AGAP1: variants seen among roughly 807,000 people sequenced by gnomAD.
The protein encoded by AGAP1 is arf-GAP with GTPase, ANK repeat and PH domain-containing protein 1.
Under a neutral mutation model 105.3 loss-of-function variants are expected in AGAP1, and 29 were observed. The ratio of observed to expected loss-of-function variants is 0.28; its 90% CI spans 0.21 to 0.38. AGAP1 has a LOEUF of 0.38. Among genes scored for constraint, AGAP1 ranks in the 10% least tolerant of loss-of-function variants. The pLI is 1.00. For synonymous variants in AGAP1, 509 were observed against 485.9 expected (o/e 1.05, Z -0.63); for missense variants, 998 against 1,165.1 (o/e 0.86, Z 2.09).
chr2:236,121,390 T>C lies in AGAP1; in HGVS notation c.2370+943T>C, dbSNP rs1477721273. Among the ~76,000 whole-genome samples the C allele has an allele frequency of 6.6e-6, 1 of 152,154 alleles. No individual in the cohort carries two copies. The highest frequency in any genetic ancestry group is 1.5e-5 in the Non-Finnish European group (1 of 68,020). On this transcript the variant is annotated intron_variant, in intron 17 of 17. Coordinates refer to ENST00000304032, the MANE Select transcript of AGAP1 (RefSeq NM_001037131.3). This position sits in a 1 kb window ranked among gnomAD's most constrained non-coding sequence, Gnocchi z 4.9. Reference sequence around the variant, plus strand: ...ATCTCAGCTCACTGCAACCTCCGCCTCCCAGGTTCAAGCAATTCTCCTGCC... The same window carrying C: ...ATCTCAGCTCACTGCAACCTCCGCCCCCCAGGTTCAAGCAATTCTCCTGCC...
chr2:236,023,844 G>T (rs769625182), intron 13 of AGAP1, among the ~76,000 whole-genome samples: 1 of 152,038 alleles, frequency 6.6e-6, no homozygotes, highest in Non-Finnish European at 1.5e-5. Context: ...CAGGAGCCTG[G>T]ATTTCAGGCT....
rs954426435 is a variant in AGAP1 at position 235,599,690 on chromosome 2, C to A, written c.163+104841C>A. The stretch of plus-strand genomic sequence containing the variant: ...AGAGGAATCCTGCAGTCCACTTGCC[C>A]AGCGTCACTTCCTCCAGTGCCCTTT... On this transcript the variant is annotated intron_variant, in intron 1 of 17. Transcript: ENST00000304032. The surrounding 1 kb of genome is among the most constrained non-coding windows in gnomAD (Gnocchi z 5.3). Among the ~76,000 whole-genome samples, 7 of 152,130 alleles carry A rather than the reference C, an allele frequency of 4.6e-5. No homozygotes were observed. Among genetic ancestry groups the A allele is most frequent in the African/African-American group, 9.7e-5 (4 of 41,432 alleles).
At position 235,891,276 on chromosome 2, in the gene AGAP1, C is replaced by T. The variant is rs770151096; in HGVS notation, c.1155+7827C>T. 1.3e-5 allele frequency among the ~76,000 whole-genome samples: 2 copies of T among 152,180 alleles called. No individual in the cohort carries two copies. Among genetic ancestry groups the T allele is most frequent in the Non-Finnish European group, 2.9e-5 (2 of 68,026 alleles). On this transcript the variant is annotated intron_variant, in intron 10 of 17. Coordinates refer to ENST00000304032, the MANE Select transcript of AGAP1 (RefSeq NM_001037131.3). The surrounding 1 kb of genome is among the most constrained non-coding windows in gnomAD (Gnocchi z 4.2). ...ATAAGACTGACACGGTCAAAGCAAGCACGCTGGCTGATGCTGCTGCTCTGC... is the reference window on the plus strand; with the variant it reads ...ATAAGACTGACACGGTCAAAGCAAGTACGCTGGCTGATGCTGCTGCTCTGC...
At chr2:235,523,102 C>A (rs2149054911) in intron 1 of AGAP1, among the ~76,000 whole-genome samples, 1 of 152,200 alleles carries the variant, frequency 6.6e-6, no homozygotes, top group East Asian at 1.9e-4. Context: ...TTACACACGG[C>A]TGCCTTCTCG....
intron 9 of AGAP1, among the ~76,000 whole-genome samples, chr2:235,831,560 T>C (rs549241035): frequency 1.1e-4 from 16 of 152,340 alleles, no homozygotes; most frequent in Non-Finnish European, 1.5e-4. Flanking sequence ...GTTGGAATGA[T>C]AGAGGTGTAA....
Position 236,104,694 on chromosome 2 carries a change from G to C in AGAP1, c.2115-15498G>C, listed in dbSNP as rs996887314. Among the ~76,000 whole-genome samples, 4 of 152,192 alleles carry C rather than the reference G, an allele frequency of 2.6e-5. No individual in the cohort carries two copies. The highest frequency in any genetic ancestry group is 4.4e-5 in the Non-Finnish European group (3 of 68,034). On this transcript the variant is annotated intron_variant, in intron 16 of 17. Transcript: ENST00000304032. This position sits in a 1 kb window ranked among gnomAD's most constrained non-coding sequence, Gnocchi z 4.7. ...TCACAAGGGCAGGAGGTCAAGTCTAGCCTGGCCAACATGGTGAAACCCCGT... is the reference window on the plus strand; with the variant it reads ...TCACAAGGGCAGGAGGTCAAGTCTACCCTGGCCAACATGGTGAAACCCCGT...
intron 3 of AGAP1, among the ~76,000 whole-genome samples, chr2:235,731,652 T>C (rs1295685266): frequency 6.6e-6 from 1 of 152,186 alleles, no homozygotes; most frequent in Non-Finnish European, 1.5e-5. Flanking sequence ...GGAAATGGTA[T>C]AGTCATCATC....
intron 13 of AGAP1, among the ~76,000 whole-genome samples, chr2:236,025,984 G>A (rs1025060594): frequency 1.7e-4 from 26 of 151,992 alleles, no homozygotes; most frequent in African/African-American, 5.1e-4. Flanking sequence ...AGGAGCTTCA[G>A]GGACCTCAGA....
intron 16 of AGAP1, among the ~76,000 whole-genome samples, chr2:236,064,428 T>TA (rs889655706): frequency 5.8e-4 from 86 of 148,560 alleles, no homozygotes; most frequent in African/African-American, 1.0e-3. Context: ...CTGTCTGTAC[T>TA]AAAAAAAAAA....
chr2:235,595,497 C>T (rs1945496955), intron 1 of AGAP1, among the ~76,000 whole-genome samples: 1 of 152,198 alleles, frequency 6.6e-6, no homozygotes, highest in Non-Finnish European at 1.5e-5. Flanking sequence ...ACACGTATAG[C>T]ACTTTCAATT....
chr2:235,889,026 T>C lies in AGAP1; in HGVS notation c.1155+5577T>C, dbSNP rs1048081559. Among the ~76,000 whole-genome samples the C allele has an allele frequency of 2.0e-5, 3 of 152,322 alleles. No individual in the cohort carries two copies. The highest frequency in any genetic ancestry group is 1.3e-4 in the Admixed American group (2 of 15,298). On this transcript the variant is annotated intron_variant, in intron 10 of 17. Coordinates refer to ENST00000304032, the MANE Select transcript of AGAP1 (RefSeq NM_001037131.3). The surrounding 1 kb of genome is among the most constrained non-coding windows in gnomAD (Gnocchi z 4.6). ...AGAGGTCATTTCTGTTCCTGAGGTA[T>C]CTGAACACAGTTTGCTTATTGCACA...
In AGAP1 at chr2:235,721,840, G is replaced by A. The variant is rs1186367932; in HGVS notation, c.310+4196G>A. 5.3e-5 allele frequency among the ~76,000 whole-genome samples: 8 copies of A among 152,252 alleles called. No homozygotes were observed. In the South Asian group the frequency reaches 8.3e-4, roughly 16 times the overall value. On this transcript the variant is annotated intron_variant, in intron 3 of 17. Coordinates refer to ENST00000304032, the MANE Select transcript of AGAP1 (RefSeq NM_001037131.3). The surrounding 1 kb of genome is among the most constrained non-coding windows in gnomAD (Gnocchi z 4.5). ...GTAGAAACATTTCTGGTGCAGAGCC[G>A]TCTCCAGATCCAGGCCTCCTTTTCA...
At chr2:235,618,355 C>G (rs1288971817) in intron 1 of AGAP1, among the ~76,000 whole-genome samples, 1 of 152,158 alleles carries the variant, frequency 6.6e-6, no homozygotes, top group Non-Finnish European at 1.5e-5. Context: ...TCCTACTCTA[C>G]AGAGTGAATG....
chr2:236,004,735 G>T (rs2056258370), intron 13 of AGAP1, among the ~76,000 whole-genome samples: 1 of 152,192 alleles, frequency 6.6e-6, no homozygotes, highest in Non-Finnish European at 1.5e-5. Context: ...TGCCAGTTGG[G>T]GCAGCCTTTC....
chr2:235,636,819 C>T (rs1241369928), intron 1 of AGAP1, among the ~76,000 whole-genome samples: 6 of 152,104 alleles, frequency 3.9e-5, no homozygotes, highest in Non-Finnish European at 1.5e-5. Flanking sequence ...GGGGTGGGCC[C>T]CTCATCTAAT....
At chr2:235,955,639 CAT>C (rs1351605175) in intron 12 of AGAP1, among the ~76,000 whole-genome samples, 56 of 152,332 alleles carry the variant, frequency 3.7e-4, no homozygotes, top group African/African-American at 1.1e-3. Context: ...TCTTCTATGA[CAT>C]ATAACACTCA....
intron 13 of AGAP1, among the ~76,000 whole-genome samples, chr2:236,006,127 G>T (rs1182957883): frequency 6.6e-6 from 1 of 150,474 alleles, no homozygotes; most frequent in Non-Finnish European, 1.5e-5. Context: ...TGTATTCTAG[G>T]CTGCTATCCA....
intron 6 of AGAP1, among the ~76,000 whole-genome samples, chr2:235,759,250 G>C (rs559494659): frequency 1.2e-4 from 18 of 145,382 alleles, no homozygotes; most frequent in Non-Finnish European, 2.5e-4. Flanking sequence ...CTCACTGCAA[G>C]CTCCACCTCC....
chr2:235,557,609 A>T lies in AGAP1; in HGVS notation c.163+62760A>T, dbSNP rs1243067408. On this transcript the variant is annotated intron_variant, in intron 1 of 17. Transcript: ENST00000304032. The surrounding 1 kb of genome is among the most constrained non-coding windows in gnomAD (Gnocchi z 4.7). ...CTCAGTGCTTAACCTGAAGAAGCCC[A>T]CTTAATCCTTCCAGCATCCTGTCCT... 6.6e-6 allele frequency among the ~76,000 whole-genome samples: 1 copy of T among 152,174 alleles called. No homozygotes were observed. The highest frequency in any genetic ancestry group is 1.5e-5 in the Non-Finnish European group (1 of 68,030).
Sources: allele counts gnomAD v4.1 joint callset (sites outside exome capture counted in the v4.1 genomes callset), GRCh38; gene constraint gnomAD v4.1.1; non-coding constraint Gnocchi (gnomAD v3.1); transcripts MANE v1.5; gene names NCBI Gene and HGNC (gene_info 2026-07-23, HGNC 2026-07-21).